TSPAN1: variants seen among roughly 807,000 people sequenced by gnomAD.
The protein encoded by TSPAN1 is tetraspanin-1.
A neutral mutation model predicts 26.9 loss-of-function variants in TSPAN1; 23 were observed. The ratio of observed to expected loss-of-function variants is 0.85; its 90% CI spans 0.62 to 1.21. The LOEUF is 1.21. Ranked by LOEUF, TSPAN1 falls within the 50% of genes most tolerant of loss-of-function variation. The pLI is 0.00. For missense variants in TSPAN1, 283 were observed against 298.4 expected (o/e 0.95, Z 0.38); for synonymous variants, 115 against 114.8 (o/e 1.00, Z -0.01).
downstream of TSPAN1, among the ~76,000 whole-genome samples, chr1:46,186,488 CTTTTT>C (rs751253861): frequency 1.5e-5 from 2 of 130,114 alleles, no homozygotes; most frequent in African/African-American, 5.7e-5. Flanking sequence ...CTTTTCTTTT[CTTTTT>C]TTTTTTTTTT....
chr1:46,190,066 T>C (rs1657637374), downstream of TSPAN1: 3 of 1,549,498 alleles, frequency 1.9e-6, no homozygotes, highest in Non-Finnish European at 2.6e-6. Context: ...CTGTACTTGG[T>C]TGAATGCTCT....
At chr1:46,181,280 T>TC in intron 3 of TSPAN1, 116 bp downstream of exon 3, 1 of 1,020,404 alleles carries the variant, frequency 9.8e-7, no homozygotes. Context: ...CCTGCATGTG[T>TC]CCCCTTATGA....
the TSPAN1 span, chr1:46,192,485 C>T: frequency 1.2e-6 from 2 of 1,614,154 alleles, no homozygotes; most frequent in Non-Finnish European, 1.7e-6. Context: ...GCCTCATAAA[C>T]TCGCCTGCTA....
chr1:46,178,339 A>G (rs1004039016), intron 1 of TSPAN1, among the ~76,000 whole-genome samples: 7 of 149,330 alleles, frequency 4.7e-5, no homozygotes, highest in Admixed American at 4.1e-4. Flanking sequence ...CCTGGGCAAC[A>G]GAGTGAGATT....
chr1:46,184,562 C>G (rs773547547), intron 4 of TSPAN1, 32 bp from the exon 5 acceptor site: 7 of 1,612,312 alleles, frequency 4.3e-6, no homozygotes, highest in Middle Eastern at 3.4e-4. Flanking sequence ...GACTGTCTCT[C>G]CCTAAAACCC....
At chr1:46,192,003 G>A in the TSPAN1 span, 1 of 1,479,388 alleles carries the variant, frequency 6.8e-7, no homozygotes, top group Non-Finnish European at 9.3e-7. Context: ...AGGTTACATG[G>A]CTAGCAAGTA....
At chr1:46,190,550 G>T, downstream of TSPAN1, 1 of 1,572,740 alleles carries the variant, frequency 6.4e-7, no homozygotes, top group Non-Finnish European at 8.8e-7. Flanking sequence ...TCAGGGGAGT[G>T]GGCAGGCCCT....
chr1:46,188,397 G>C (rs1481574625), downstream of TSPAN1, among the ~76,000 whole-genome samples: 1 of 152,156 alleles, frequency 6.6e-6, no homozygotes, highest in Non-Finnish European at 1.5e-5. Context: ...GCCCGGCCCA[G>C]GCAAGATAAG....
At chr1:46,182,400 G>A (rs1388668955) in intron 3 of TSPAN1, among the ~76,000 whole-genome samples, 3 of 150,404 alleles carry the variant, frequency 2.0e-5, no homozygotes, top group Non-Finnish European at 4.4e-5. Flanking sequence ...CATTAGAGTA[G>A]GTTAGTGTAA....
At chr1:46,194,947 G>A in the TSPAN1 span, 104 of 1,614,140 alleles carry the variant, frequency 6.4e-5, 1 homozygote, top group African/African-American at 9.2e-4. Flanking sequence ...CCTTGAGGTG[G>A]AAGGAGCCCT....
At chr1:46,179,989 T>TGTGTGTGTGTGTGTGTGTGTGTGTGTG (rs1657277485) in intron 1 of TSPAN1, among the ~76,000 whole-genome samples, 1 of 135,490 alleles carries the variant, frequency 7.4e-6, no homozygotes, top group African/African-American at 3.1e-5. Context: ...GTGTGTGTGT[T>TGTGTGTGTGTGTGTGTGTGTGTGTGTG]TGTGTGTGTG....
the TSPAN1 span, chr1:46,193,860 C>T: frequency 6.2e-7 from 1 of 1,614,014 alleles, no homozygotes; most frequent in African/African-American, 1.3e-5. Context: ...CTTACCTGTA[C>T]AGGTAATTGG....
chr1:46,185,591 G>A lies in TSPAN1; in HGVS notation c.*58G>A, dbSNP rs941445938. The stretch of plus-strand genomic sequence containing the variant: ...CATGGGAACTGTGAAGAGGCACCCT[G>A]GCAAGCAGCAGTGATTGGGGGAGGG... On this transcript the variant is annotated 3_prime_UTR_variant, in exon 9 of 9. Transcript: ENST00000372003. 1 of 1,585,628 alleles carries A rather than the reference G, an allele frequency of 6.3e-7. No individual in the cohort carries two copies.
At position 46,184,871 on chromosome 1, in the gene TSPAN1, C is replaced by T. The variant is rs1457145637; in HGVS notation, c.426C>T (p.Thr142=). ...SQEDFTQVWN[T]TMKGLKCCGF... is the part of the protein sequence containing the mutation. ...AAGACTTCACTCAAGTGTGGAACAC[C>T]ACCATGAAAGGGGTAAGGTTGGCTG... The change falls in exon 6 of 9, where the codon ACC becomes ACT. Residue 142 remains threonine (T), a synonymous_variant. Transcript: ENST00000372003. 1 of 1,614,076 alleles carries T rather than the reference C, an allele frequency of 6.2e-7. No individual in the cohort carries two copies. The highest frequency in any genetic ancestry group is 2.2e-5 in the East Asian group (1 of 44,894).
chr1:46,182,689 G>T (rs535128447), intron 3 of TSPAN1, among the ~76,000 whole-genome samples: 1 of 152,164 alleles, frequency 6.6e-6, no homozygotes, highest in Non-Finnish European at 1.5e-5. Context: ...CAGCCTGGGC[G>T]ACAGAGTTTA....
At chr1:46,177,848 C>A (rs2148135200) in intron 1 of TSPAN1, among the ~76,000 whole-genome samples, 1 of 152,256 alleles carries the variant, frequency 6.6e-6, no homozygotes, top group Admixed American at 6.5e-5. Context: ...TAAGGAGGAT[C>A]CACTGTATAA....
rs1400077978 is a variant in TSPAN1, at chr1:46,185,710, C to G, written c.*177C>G. On this transcript the variant is annotated 3_prime_UTR_variant, in exon 9 of 9. Coordinates refer to ENST00000372003, the MANE Select transcript of TSPAN1 (RefSeq NM_005727.4). The stretch of plus-strand genomic sequence containing the variant: ...TAGGGACCACTCCTTTTAGGCGATG[C>G]CTGACTTTCCTTCCATTGGTGGGTG... The G allele has an allele frequency of 1.4e-6, 1 of 690,040 alleles. No individual in the cohort carries two copies. Among genetic ancestry groups the G allele is most frequent in the Non-Finnish European group, 2.5e-6 (1 of 406,398 alleles). 42.7% of individuals were successfully genotyped at this position (690,040 alleles called of 1,614,324 possible).
intron 4 of TSPAN1, 93 bp downstream of exon 4, chr1:46,184,490 C>T (rs1326500863): frequency 3.1e-6 from 5 of 1,607,186 alleles, no homozygotes; most frequent in Admixed American, 1.7e-5. Context: ...TTTGGACCCC[C>T]CTAGGCTCAG....
At chr1:46,195,780 T>G in the TSPAN1 span, 1 of 1,549,902 alleles carries the variant, frequency 6.5e-7, no homozygotes, top group Non-Finnish European at 8.8e-7. Flanking sequence ...AGCTAGGGAG[T>G]AGGGGTCAGG....
Sources: gnomAD v4.1 joint callset for allele counts (sites outside exome capture counted in the v4.1 genomes callset) on GRCh38, gnomAD v4.1.1 for gene constraint, MANE v1.5 for transcripts, NCBI Gene and HGNC (gene_info 2026-07-23, HGNC 2026-07-21) for gene names.